POLR3B: variants seen among roughly 807,000 people sequenced by gnomAD.
POLR3B encodes the protein DNA-directed RNA polymerase III subunit RPC2.
A neutral mutation model predicts 147.4 loss-of-function variants in POLR3B; 96 were observed. That is an observed-to-expected ratio of 0.65 (90% confidence interval 0.55 to 0.77). The LOEUF is 0.77. POLR3B is among the 30% of genes least tolerant of loss of function. The pLI, the probability that POLR3B is intolerant of heterozygous loss-of-function variation, is 0.00. For missense variants in POLR3B, 1,036 were observed against 1,413.5 expected, an observed-to-expected ratio of 0.73 and a Z score of 4.28; for synonymous variants, 461 against 485.9, an observed-to-expected ratio of 0.95 and a Z score of 0.67.
intron 12 of POLR3B, among the ~76,000 whole-genome samples, chr12:106,418,754 T>C (rs1302626567): frequency 2.0e-5 from 3 of 152,206 alleles, no homozygotes; most frequent in Non-Finnish European, 4.4e-5. Context: ...CATTTTACTT[T>C]TGACCTAAAT....
intron 12 of POLR3B, among the ~76,000 whole-genome samples, chr12:106,421,123 T>C (rs1337706601): frequency 6.6e-6 from 1 of 152,160 alleles, no homozygotes; most frequent in Non-Finnish European, 1.5e-5. Flanking sequence ...TGTAGTTCAT[T>C]TTCATTTCTG....
rs564579167 is a variant in POLR3B at position 106,468,417 on chromosome 12, AT to A, written c.2713+4804del. 3.0e-3 allele frequency among the ~76,000 whole-genome samples: 454 copies of A among 151,984 alleles called. 1 individual carries two copies. Among genetic ancestry groups the A allele is most frequent in the African/African-American group, 9.4e-3 (390 of 41,452 alleles). The stretch of plus-strand genomic sequence containing the variant: ...AGAATACCAGCTCCTGGATTTATTG[AT>A]TTTTTTGACAGGTTTTTGTGTCTCT... On this transcript the variant is annotated intron_variant, in intron 23 of 27. Transcript: ENST00000228347.
At chr12:106,486,584 T>C (rs1269016056) in intron 23 of POLR3B, among the ~76,000 whole-genome samples, 1 of 152,230 alleles carries the variant, frequency 6.6e-6, no homozygotes, top group Non-Finnish European at 1.5e-5. Context: ...CTCCTTAAGA[T>C]GGGCATCTTC....
At chr12:106,433,484 T>C (rs1257352801) in intron 15 of POLR3B, among the ~76,000 whole-genome samples, 1 of 152,196 alleles carries the variant, frequency 6.6e-6, no homozygotes, top group East Asian at 1.9e-4. Context: ...TGCTGAAAGA[T>C]GAGGAAAATG....
At position 106,454,495 on chromosome 12, in the gene POLR3B, A is replaced by G. The variant is rs1244927483; in HGVS notation, c.2084-7A>G. On this transcript the variant is annotated splice_region_variant and splice_polypyrimidine_tract_variant and intron_variant, in intron 19 of 27. Coordinates refer to ENST00000228347, the MANE Select transcript of POLR3B (RefSeq NM_018082.6). ...GTTGTATTTTGTTTTCTCCCATATC[A>G]ATGCAGGTACTATAGGATACAACCA... The G allele has an allele frequency of 1.1e-5, 15 of 1,411,554 alleles. No individual in the cohort carries two copies. The highest frequency in any genetic ancestry group is 1.4e-5 in the Non-Finnish European group (14 of 995,558). 87.4% of individuals were successfully genotyped at this position (1,411,554 alleles called of 1,614,324 possible).
intron 9 of POLR3B, among the ~76,000 whole-genome samples, chr12:106,389,546 A>T (rs1035619051): frequency 7.9e-5 from 12 of 152,214 alleles, no homozygotes; most frequent in African/African-American, 2.6e-4. Context: ...TTTTCGTTAC[A>T]GGTTGAGCAT....
intron 22 of POLR3B, among the ~76,000 whole-genome samples, chr12:106,461,349 T>A (rs1171812666): frequency 6.6e-6 from 1 of 152,094 alleles, no homozygotes; most frequent in Admixed American, 6.6e-5. Context: ...CACCTTGGCC[T>A]CCCAAAGTGC....
At chr12:106,366,458 T>G in intron 2 of POLR3B, 58 bp from the exon 3 acceptor site, 1 of 1,057,638 alleles carries the variant, frequency 9.5e-7, no homozygotes, top group Non-Finnish European at 1.5e-6. Flanking sequence ...TTTGAGCATA[T>G]CATCAGTACT....
At chr12:106,490,558 G>A (rs571942635) in intron 23 of POLR3B, among the ~76,000 whole-genome samples, 11 of 152,216 alleles carry the variant, frequency 7.2e-5, no homozygotes, top group Non-Finnish European at 1.5e-4. Flanking sequence ...TATGGCAAGT[G>A]ATGTGATAGA....
rs1465056425 is a variant in POLR3B at position 106,475,873 on chromosome 12, G to C, written c.2713+12253G>C. 2.6e-5 allele frequency among the ~76,000 whole-genome samples: 4 copies of C among 151,494 alleles called. No homozygotes were observed. In the East Asian group the frequency reaches 7.8e-4, roughly 29 times the overall value. ...AGAATTTAGTCCATTTACATTTAAA[G>C]TTAATAGTGTTATGTGTGAATTTGA... is the stretch of plus-strand genomic sequence containing the variant. On this transcript the variant is annotated intron_variant, in intron 23 of 27. Coordinates refer to ENST00000228347, the MANE Select transcript of POLR3B (RefSeq NM_018082.6).
rs778246427 is a variant in POLR3B, at chr12:106,363,921, A to G, written c.105+19A>G. ...TTTAAAGGTAATTGTTTCACATTTAATAATAATTGGTTATTTTTCAGATGA... is the reference window on the plus strand; with the variant it reads ...TTTAAAGGTAATTGTTTCACATTTAGTAATAATTGGTTATTTTTCAGATGA... On this transcript the variant is annotated intron_variant, in intron 2 of 27. Coordinates refer to ENST00000228347, the MANE Select transcript of POLR3B (RefSeq NM_018082.6). 2.6e-6 allele frequency: 4 copies of G among 1,563,690 alleles called. No homozygotes were observed. The highest frequency in any genetic ancestry group is 3.5e-6 in the Non-Finnish European group (4 of 1,137,854).
chr12:106,428,143 C>T (rs926290886), intron 13 of POLR3B, among the ~76,000 whole-genome samples: 6 of 152,084 alleles, frequency 3.9e-5, no homozygotes, highest in African/African-American at 1.2e-4. Context: ...GGCCTTTGTC[C>T]CTATTTAGGC....
intron 23 of POLR3B, among the ~76,000 whole-genome samples, chr12:106,492,633 T>C (rs1214252884): frequency 6.6e-6 from 1 of 152,236 alleles, no homozygotes; most frequent in Non-Finnish European, 1.5e-5. Context: ...ATTTCTATGT[T>C]GTTCTGTGAA....
intron 25 of POLR3B, among the ~76,000 whole-genome samples, chr12:106,499,342 C>G (rs555523171): frequency 4.3e-4 from 66 of 152,224 alleles, no homozygotes; most frequent in Non-Finnish European, 6.6e-4. Flanking sequence ...TCCTGCTTGC[C>G]GTAGACAATG....
At chr12:106,435,419 A>G (rs1291976420) in intron 16 of POLR3B, among the ~76,000 whole-genome samples, 1 of 152,176 alleles carries the variant, frequency 6.6e-6, no homozygotes, top group East Asian at 1.9e-4. Flanking sequence ...TGCTGGGATT[A>G]CAGGTGTGAG....
intron 19 of POLR3B, among the ~76,000 whole-genome samples, chr12:106,454,280 T>A (rs1465682528): frequency 6.6e-6 from 1 of 152,234 alleles, no homozygotes; most frequent in Non-Finnish European, 1.5e-5. Flanking sequence ...GATTAAAATA[T>A]ACTTTATATT....
intron 23 of POLR3B, among the ~76,000 whole-genome samples, chr12:106,476,988 T>C (rs2038181013): frequency 6.6e-6 from 1 of 150,532 alleles, no homozygotes; most frequent in Non-Finnish European, 1.5e-5. Flanking sequence ...TTTTTCCCCA[T>C]CTTTGTGGTT....
chr12:106,385,552 C>T (rs759724066), intron 9 of POLR3B, among the ~76,000 whole-genome samples: 13 of 152,260 alleles, frequency 8.5e-5, no homozygotes, highest in African/African-American at 2.4e-4. Flanking sequence ...TGGGTATAAG[C>T]CTCAGAGGAG....
intron 11 of POLR3B, among the ~76,000 whole-genome samples, chr12:106,409,281 T>C (rs1031451704): frequency 2.0e-5 from 3 of 151,036 alleles, no homozygotes; most frequent in East Asian, 1.9e-4. Context: ...AAATTACTTA[T>C]AGCTGCCCAG....
Sources: allele counts gnomAD v4.1 joint callset (sites outside exome capture counted in the v4.1 genomes callset), GRCh38; gene constraint gnomAD v4.1.1; transcripts MANE v1.5; gene names NCBI Gene and HGNC (gene_info 2026-07-23, HGNC 2026-07-21).